MAP4: variants seen among roughly 807,000 people sequenced by gnomAD.
MAP4 encodes the protein microtubule-associated protein 4.
MAP4 carries 76 observed loss-of-function variants against 170.2 expected under a neutral mutation model. The ratio of observed to expected loss-of-function variants is 0.45; its 90% confidence interval spans 0.37 to 0.54. MAP4 has a LOEUF of 0.54. Among genes scored for constraint, MAP4 ranks in the 20% least tolerant of loss-of-function variants. The pLI is 0.00. For missense variants in MAP4, 2,506 were observed against 2,748.0 expected (o/e 0.91, Z 1.97); for synonymous variants, 909 against 994.5 (o/e 0.91, Z 1.62).
At chr3:47,924,283 A>T (rs1323435970) in intron 4 of MAP4, among the ~76,000 whole-genome samples, 1 of 152,142 alleles carries the variant, frequency 6.6e-6, no homozygotes, top group East Asian at 1.9e-4. Flanking sequence ...GAGGAAGACA[A>T]ACCTTTTCTC....
At chr3:48,067,963 T>C (rs2100139104) in intron 1 of MAP4, among the ~76,000 whole-genome samples, 1 of 152,002 alleles carries the variant, frequency 6.6e-6, no homozygotes, top group African/African-American at 2.4e-5. Context: ...TTTTAAAAAC[T>C]ATTTTAAATA....
At chr3:47,912,632 A>C (rs1025779331) in intron 8 of MAP4, among the ~76,000 whole-genome samples, 7 of 152,236 alleles carry the variant, frequency 4.6e-5, no homozygotes, top group African/African-American at 1.7e-4. Flanking sequence ...TATTTAACAG[A>C]TCATCATCTC....
intron 1 of MAP4, among the ~76,000 whole-genome samples, chr3:48,074,748 C>T (rs1432640103): frequency 7.7e-6 from 1 of 130,592 alleles, no homozygotes; most frequent in African/African-American, 2.9e-5. Flanking sequence ...AGACTGGTCT[C>T]GAACTCCTGG....
At chr3:47,873,746 T>A (rs575059593) in intron 12 of MAP4, among the ~76,000 whole-genome samples, 4 of 152,346 alleles carry the variant, frequency 2.6e-5, no homozygotes, top group Admixed American at 2.6e-4. Flanking sequence ...GTGCATCAAA[T>A]TTTTAAGACT....
intron 2 of MAP4, among the ~76,000 whole-genome samples, chr3:47,996,171 C>T (rs976615159): frequency 2.0e-5 from 3 of 152,152 alleles, no homozygotes; most frequent in Admixed American, 6.5e-5. Context: ...GGAGTACAAA[C>T]CCTGTCAACC....
In MAP4 at chr3:47,918,681, C is replaced by T. The variant is rs374755684; in HGVS notation, c.652+38G>A. 1.1e-5 allele frequency: 17 copies of T among 1,535,132 alleles called. No individual in the cohort carries two copies. In the African/African-American group the frequency reaches 2.2e-4, roughly 20 times the overall value. On this transcript the variant is annotated intron_variant, in intron 6 of 20. Coordinates refer to ENST00000683076, the MANE Select transcript of MAP4 (RefSeq NM_001385682.1). ...TGATTTATATTGATTACCAATACTGCAACCATTAACTGATAAAGGGAGTCT... is the reference window on the plus strand; with the variant it reads ...TGATTTATATTGATTACCAATACTGTAACCATTAACTGATAAAGGGAGTCT...
chr3:47,893,783 G>A lies in MAP4; in HGVS notation c.5434+9167C>T, dbSNP rs527546018. Among the ~76,000 whole-genome samples the A allele has an allele frequency of 3.2e-4, 48 of 150,162 alleles. No homozygotes were observed. The South Asian group carries it at 9.6e-3, about 30-fold the overall frequency. On this transcript the variant is annotated intron_variant, in intron 10 of 20. Transcript: ENST00000683076. ...GCTTTTTTTTTTTTTTTAAAAAAAG[G>A]CCATTTGCCATAAACTGCAATGATT...
chr3:47,877,638 T>G (rs1049128448), intron 10 of MAP4, 115 bp from the exon 11 acceptor site: 3 of 654,594 alleles, frequency 4.6e-6, no homozygotes, highest in Admixed American at 5.8e-5. Flanking sequence ...CTGAAAAAAG[T>G]CCACAGGGTT....
At chr3:47,969,268 C>A (rs983917806) in intron 3 of MAP4, among the ~76,000 whole-genome samples, 2 of 152,026 alleles carry the variant, frequency 1.3e-5, no homozygotes, top group South Asian at 4.1e-4. Flanking sequence ...ATTAGCCAGA[C>A]ATGGTGGTGG....
At chr3:48,017,718 C>T (rs192769901), upstream of MAP4, among the ~76,000 whole-genome samples, 1 of 152,276 alleles carries the variant, frequency 6.6e-6, no homozygotes, top group East Asian at 1.9e-4. Flanking sequence ...GTCTTGAAAT[C>T]AAGGTCCACA....
At chr3:47,912,546 T>C (rs2100036528) in intron 8 of MAP4, 125 bp from the exon 9 acceptor site, 1 of 699,888 alleles carries the variant, frequency 1.4e-6, no homozygotes, top group Non-Finnish European at 2.1e-6. Context: ...CTAATACATA[T>C]AGTACTTACT....
intron 10 of MAP4, among the ~76,000 whole-genome samples, chr3:47,880,465 GTTTTTT>G (rs3079393): frequency 3.8e-5 from 4 of 106,080 alleles, no homozygotes; most frequent in Admixed American, 3.3e-4. Flanking sequence ...TCCAATTTCA[GTTTTTT>G]TTTTTTTTTT....
At chr3:47,975,446 T>C (rs778433839) in intron 3 of MAP4, 2 of 1,569,038 alleles carry the variant, frequency 1.3e-6, no homozygotes, top group South Asian at 1.2e-5. Context: ...AGCCCCAGTG[T>C]TGAGAGACAC....
In MAP4 at chr3:47,998,642, A is replaced by G. The variant is rs377631404; in HGVS notation, c.219T>C (p.Ile73=). Residue 73 remains isoleucine, a synonymous_variant, in exon 2 of 21, where the codon ATT becomes ATC. Transcript: ENST00000683076. ...KKKPCSETSQ[I]EDTPSSKPTL... ...CAGTCTGGTTTAAATACTTACCTTC[A>G]ATCTGGCTAGTTTCTGAGCACGGTT... is the stretch of plus-strand genomic sequence containing the variant. 61 of 1,612,844 alleles carry G rather than the reference A, an allele frequency of 3.8e-5. No individual in the cohort carries two copies. Among genetic ancestry groups the G allele is most frequent in the Non-Finnish European group, 4.9e-5 (58 of 1,179,024 alleles).
chr3:47,862,263 GA>G (rs1427177652), intron 17 of MAP4, among the ~76,000 whole-genome samples: 1 of 136,180 alleles, frequency 7.3e-6, no homozygotes, highest in Non-Finnish European at 1.5e-5. Flanking sequence ...GAAATAACTT[GA>G]AATGTTAAAG....
chr3:47,930,057 GAGGCGA>G (rs1311270500), intron 3 of MAP4, among the ~76,000 whole-genome samples: 2 of 152,192 alleles, frequency 1.3e-5, no homozygotes, highest in Non-Finnish European at 2.9e-5. Context: ...CTGAGCCTGG[GAGGCGA>G]AGGTTGCAGT....
intron 1 of MAP4, among the ~76,000 whole-genome samples, chr3:48,006,110 G>A (rs1039659943): frequency 5.9e-5 from 9 of 152,142 alleles, no homozygotes; most frequent in African/African-American, 1.4e-4. Flanking sequence ...CTTCTAGGTC[G>A]AATGGACAAA....
intron 9 of MAP4, among the ~76,000 whole-genome samples, chr3:47,908,727 A>G (rs1436141768): frequency 6.6e-6 from 1 of 152,328 alleles, no homozygotes; most frequent in East Asian, 1.9e-4. Context: ...CACAATTTTA[A>G]AAAAATTAAG....
intron 1 of MAP4, among the ~76,000 whole-genome samples, chr3:48,068,845 T>C (rs1463282530): frequency 6.6e-6 from 1 of 152,206 alleles, no homozygotes; most frequent in Non-Finnish European, 1.5e-5. Context: ...TTAAATCCAC[T>C]TAGTCATTCA....
Sources: allele counts gnomAD v4.1 joint callset (sites outside exome capture counted in the v4.1 genomes callset), GRCh38; gene constraint gnomAD v4.1.1; transcripts MANE v1.5; gene names NCBI Gene and HGNC (gene_info 2026-07-23, HGNC 2026-07-21).